The following TYW1 variants were observed in gnomAD, a reference collection of about 807,000 sequenced individuals.
The protein encoded by TYW1 is S-adenosyl-L-methionine-dependent tRNA 4-demethylwyosine synthase TYW1.
TYW1 carries 46 observed loss-of-function variants against 96.2 expected under a neutral mutation model. That is an observed-to-expected ratio of 0.48 (90% confidence interval 0.38 to 0.61). The LOEUF (loss-of-function observed/expected upper bound fraction) is 0.61. Ranked by LOEUF, TYW1 falls within the 20% of genes least tolerant of loss-of-function variation. TYW1 has a pLI of 0.00. For missense variants in TYW1, 684 were observed against 909.6 expected, an observed-to-expected ratio of 0.75 and a Z score of 3.19; for synonymous variants, 274 against 323.0, an observed-to-expected ratio of 0.85 and a Z score of 1.63.
chr7:67,229,581 T>A (rs1448622147), intron 15 of TYW1, among the ~76,000 whole-genome samples: 2 of 151,860 alleles, frequency 1.3e-5, no homozygotes, highest in African/African-American at 4.8e-5. Flanking sequence ...CTGTAAGTTT[T>A]AGATAAGTTA....
chr7:66,997,951 T>A, intron 1 of TYW1, 114 bp from the exon 2 acceptor site: 1 of 1,348,532 alleles, frequency 7.4e-7, no homozygotes, highest in South Asian at 1.6e-5. Flanking sequence ...TTAAATTAGA[T>A]TTCTTAGCTG....
chr7:67,003,975 CAG>C (rs1394210579), intron 3 of TYW1, among the ~76,000 whole-genome samples: 1 of 152,136 alleles, frequency 6.6e-6, no homozygotes, highest in African/African-American at 2.4e-5. Context: ...ACCCGGGAGG[CAG>C]AGGTTGCAGT....
chr7:67,201,254 G>C (rs1892752), intron 15 of TYW1, among the ~76,000 whole-genome samples: 4,077 of 132,470 alleles, frequency 0.031, 150 homozygotes, highest in East Asian at 0.063. Context: ...TCACTTGAGT[G>C]CAGGAATTCT....
At chr7:67,099,932 G>T (rs950564026) in intron 12 of TYW1, among the ~76,000 whole-genome samples, 13 of 152,110 alleles carry the variant, frequency 8.5e-5, no homozygotes, top group African/African-American at 3.1e-4. Flanking sequence ...AACCCGGGAG[G>T]CGGAGGTTTC....
In TYW1 at chr7:67,059,248, C is replaced by T. The variant is rs183303338; in HGVS notation, c.1155+3361C>T. Among the ~76,000 whole-genome samples the T allele has an allele frequency of 3.8e-3, 569 of 151,440 alleles. 2 individuals are homozygous for T. Among genetic ancestry groups the T allele is most frequent in the African/African-American group, 0.013 (540 of 41,238 alleles). On this transcript the variant is annotated intron_variant, in intron 9 of 15. Coordinates refer to ENST00000359626, the MANE Select transcript of TYW1 (RefSeq NM_018264.4). ...CTGAGTAGCTGGGACTGCAGGCGCC[C>T]GCCACCACTCCCGGCTAATTTTTTT...
chr7:67,177,030 A>G (rs1362839044), intron 13 of TYW1, among the ~76,000 whole-genome samples: 1 of 152,228 alleles, frequency 6.6e-6, no homozygotes, highest in Non-Finnish European at 1.5e-5. Flanking sequence ...GTCTTAGTGT[A>G]GAGCAACAGT....
intron 14 of TYW1, among the ~76,000 whole-genome samples, chr7:67,187,109 A>G (rs1207166225): frequency 2.2e-5 from 3 of 136,710 alleles, no homozygotes; most frequent in East Asian, 4.3e-4. Flanking sequence ...TGTCTCCCAG[A>G]CTGGAGCGCA....
intron 10 of TYW1, among the ~76,000 whole-genome samples, chr7:67,076,376 T>C (rs1173996294): frequency 1.3e-5 from 2 of 152,226 alleles, no homozygotes; most frequent in African/African-American, 4.8e-5. Flanking sequence ...TGCTATTTCT[T>C]TGTGACACTG....
intron 12 of TYW1, among the ~76,000 whole-genome samples, chr7:67,100,811 C>T (rs1308756931): frequency 3.7e-5 from 5 of 136,370 alleles, no homozygotes; most frequent in African/African-American, 8.7e-5. Context: ...TTGCAGTGAG[C>T]CAAGATCACG....
At chr7:67,140,562 G>A (rs1160053312) in intron 13 of TYW1, among the ~76,000 whole-genome samples, 2 of 151,734 alleles carry the variant, frequency 1.3e-5, no homozygotes, top group Admixed American at 1.3e-4. Context: ...AGAAAAATAA[G>A]GAAAAGAAAC....
chr7:67,146,382 G>GAAAT (rs1430928149), intron 13 of TYW1, among the ~76,000 whole-genome samples: 1 of 151,588 alleles, frequency 6.6e-6, no homozygotes, highest in East Asian at 1.9e-4. Flanking sequence ...AATATTTATT[G>GAAAT]AGTGCTTAAT....
At chr7:67,145,150 C>CCT (rs1254329041) in intron 13 of TYW1, among the ~76,000 whole-genome samples, 1 of 115,012 alleles carries the variant, frequency 8.7e-6, no homozygotes, top group African/African-American at 3.6e-5. Context: ...GTTTTAGTTT[C>CCT]TTTTTTTTTT....
At chr7:67,186,080 A>G (rs929622889) in intron 14 of TYW1, among the ~76,000 whole-genome samples, 3 of 144,420 alleles carry the variant, frequency 2.1e-5, no homozygotes, top group Non-Finnish European at 3.0e-5. Context: ...TGATGCAAAG[A>G]TACAAACTGC....
intron 14 of TYW1, among the ~76,000 whole-genome samples, chr7:67,187,073 T>G (rs1214878888): frequency 7.2e-6 from 1 of 138,726 alleles, no homozygotes; most frequent in Non-Finnish European, 1.5e-5. Flanking sequence ...TTTTTTTTTT[T>G]TTTTTTTTGA....
intron 7 of TYW1, among the ~76,000 whole-genome samples, chr7:67,035,072 T>C (rs1441562619): frequency 1.3e-5 from 2 of 152,152 alleles, no homozygotes; most frequent in Non-Finnish European, 2.9e-5. Flanking sequence ...TTGTGTTTAT[T>C]GTTCATTTGC....
chr7:67,028,864 C>T (rs973900096), intron 7 of TYW1, among the ~76,000 whole-genome samples: 7 of 152,116 alleles, frequency 4.6e-5, no homozygotes, highest in Non-Finnish European at 1.0e-4. Context: ...ACAACTCTGT[C>T]GAATACTGGT....
chr7:67,107,047 C>A (rs1797266177), intron 12 of TYW1, among the ~76,000 whole-genome samples: 1 of 152,180 alleles, frequency 6.6e-6, no homozygotes. Context: ...GAGACATTCA[C>A]CCCATCTTTT....
intron 7 of TYW1, among the ~76,000 whole-genome samples, chr7:67,046,581 T>A (rs1795194136): frequency 6.6e-6 from 1 of 152,164 alleles, no homozygotes. Context: ...CAAAAATATA[T>A]GGATCTTACA....
chr7:67,236,671 A>G (rs1801899713), intron 15 of TYW1, among the ~76,000 whole-genome samples: 2 of 152,236 alleles, frequency 1.3e-5, no homozygotes, highest in Non-Finnish European at 2.9e-5. Context: ...TGGTCTTATT[A>G]CAAGAAAATT....
Sources: allele counts gnomAD v4.1 joint callset (sites outside exome capture counted in the v4.1 genomes callset), GRCh38; gene constraint gnomAD v4.1.1; transcripts MANE v1.5; gene names NCBI Gene and HGNC (gene_info 2026-07-23, HGNC 2026-07-21).